Variants in OGA observed in about 807,000 individuals in gnomAD.
OGA encodes the protein protein O-GlcNAcase.
Under a neutral mutation model 102.0 loss-of-function variants are expected in OGA, and 21 were observed. The ratio of observed to expected loss-of-function variants is 0.21; its 90% confidence interval spans 0.15 to 0.30. The LOEUF is 0.30. Among genes scored for constraint, OGA ranks in the 10% least tolerant of loss-of-function variants. OGA has a pLI of 1.00. For missense variants in OGA, 765 were observed against 1,107.8 expected (o/e 0.69, Z 4.39); for synonymous variants, 408 against 378.2 (o/e 1.08, Z -0.91).
At chr10:101,789,584 A>G (rs2065232446) in intron 14 of OGA, among the ~76,000 whole-genome samples, 1 of 152,130 alleles carries the variant, frequency 6.6e-6, no homozygotes, top group African/African-American at 2.4e-5. Context: ...GAAAAGAGAA[A>G]CAACATAGAA....
chr10:101,813,732 G>T (rs2065586872), intron 1 of OGA, 126 bp from the exon 2 acceptor site: 1 of 481,682 alleles, frequency 2.1e-6, no homozygotes, highest in Non-Finnish European at 3.7e-6. Flanking sequence ...CACCAAATCG[G>T]AAGGATATTT....
At position 101,785,144 on chromosome 10, in the gene OGA, T is replaced by G. The variant is rs919308821; in HGVS notation, c.*1307A>C. ...GAAGCAAGATAACAAAATACTGTTA[T>G]CAATCTATGGAGAAATCAGCCAGCC... On this transcript the variant is annotated 3_prime_UTR_variant, in exon 16 of 16. Transcript: ENST00000361464. 6.6e-6 allele frequency: 1 copy of G among 152,166 alleles called. No individual in the cohort carries two copies. Among genetic ancestry groups the G allele is most frequent in the Non-Finnish European group, 1.5e-5 (1 of 68,012 alleles). The allele number at this position is 152,166 out of a possible 1,614,324, so 9.4% of individuals were successfully genotyped here.
chr10:101,805,954 CA>C (rs938614906), intron 6 of OGA, 90 bp downstream of exon 6: 5,691 of 757,496 alleles, frequency 7.5e-3, no homozygotes, highest in East Asian at 9.2e-3. Flanking sequence ...GACTCCGTCT[CA>C]AAAAAAAAAG....
chr10:101,798,846 TCAGAG>T lies in OGA; in HGVS notation c.1800_1804del (p.Asp600GlufsTer4), dbSNP rs1462772705. ...AGGTACATTAAACATACTCACTTTT[TCAGAG>T]TCTTTTCCTTTGCAATTGACACTGA... On this transcript the variant is annotated frameshift_variant, in exon 9 of 16. Transcript: ENST00000361464. LOFTEE classifies it high-confidence loss of function. The T allele has an allele frequency of 6.2e-7, 1 of 1,610,904 alleles. No homozygotes were observed. Among genetic ancestry groups the T allele is most frequent in the Admixed American group, 1.7e-5 (1 of 59,746 alleles).
At chr10:101,786,675 A>AC in intron 15 of OGA, 88 bp from the exon 16 acceptor site, 2 of 1,131,208 alleles carry the variant, frequency 1.8e-6, no homozygotes, top group Non-Finnish European at 2.4e-6. Context: ...GAGATGGTTA[A>AC]TATAAACAGG....
At position 101,784,757 on chromosome 10, in the gene OGA, T is replaced by C. The variant is rs2065175468; in HGVS notation, c.*1694A>G. 6.6e-6 allele frequency: 1 copy of C among 152,334 alleles called. No individual in the cohort carries two copies. Among genetic ancestry groups the C allele is most frequent in the East Asian group, 1.9e-4 (1 of 5,186 alleles). The allele number at this position is 152,334 out of a possible 1,614,324, so 9.4% of individuals were successfully genotyped here. On this transcript the variant is annotated 3_prime_UTR_variant, in exon 16 of 16. Transcript: ENST00000361464. ...AAATCCTCCAAACAAAATGCTAGAA[T>C]TGTCCACTAGTGTTAAGACGAGAAA...
intron 1 of OGA, among the ~76,000 whole-genome samples, chr10:101,815,272 A>G (rs1282989529): frequency 2.6e-5 from 4 of 151,830 alleles, no homozygotes; most frequent in African/African-American, 9.7e-5. Flanking sequence ...CACAAGTGAT[A>G]CAAAATATTC....
At chr10:101,810,567 C>T (rs1362441589) in intron 3 of OGA, among the ~76,000 whole-genome samples, 1 of 152,220 alleles carries the variant, frequency 6.6e-6, no homozygotes, top group Non-Finnish European at 1.5e-5. Context: ...AAATAAGAGG[C>T]CCTTCTTTTT....
chr10:101,793,818 TC>T, intron 11 of OGA, 94 bp downstream of exon 11: 1 of 919,990 alleles, frequency 1.1e-6, no homozygotes, highest in Non-Finnish European at 1.7e-6. Context: ...TAGAAAGCCT[TC>T]GGCAGACCAA....
Position 101,807,856 on chromosome 10 carries a change from T to G in OGA, c.526A>C (p.Ile176Leu). Residue 176 changes from isoleucine (I) to leucine (L), a missense_variant, in exon 5 of 16, where the codon ATA (isoleucine) becomes CTA (leucine). Around this residue, in one of 7 missense-constraint regions of OGA, gnomAD observed 165 missense variants for 249.7 expected, o/e 0.66. Coordinates refer to ENST00000361464, the MANE Select transcript of OGA (RefSeq NM_012215.5). ...TCTGCTGCACACATATTATGGTCTA[T>G]ATCATCAAAAAGCAAAGCAAATGAT... ...CRSFALLFDDIDHNMCAADKE... is the reference protein window; with the variant it reads ...CRSFALLFDDLDHNMCAADKE... 2 of 1,597,670 alleles carry G rather than the reference T, an allele frequency of 1.3e-6. No homozygotes were observed. The highest frequency in any genetic ancestry group is 1.7e-6 in the Non-Finnish European group (2 of 1,174,392).
chr10:101,797,918 G>A, intron 10 of OGA, 62 bp downstream of exon 10: 1 of 1,503,804 alleles, frequency 6.6e-7, no homozygotes, highest in Middle Eastern at 2.4e-4. Context: ...TCTCCCTGTG[G>A]GATAATTTTT....
In OGA at chr10:101,798,256, TTTATC is replaced by T. The variant is rs1421089489; in HGVS notation, c.1810-107_1810-103del. On this transcript the variant is annotated intron_variant, in intron 9 of 15. Transcript: ENST00000361464. ...TGCTTATGTTGTCAGGTACTGGCAA[TTTATC>T]TTAACCATTAAAGTATCATTTTGTG... 3.9e-6 allele frequency: 4 copies of T among 1,034,948 alleles called. No individual in the cohort carries two copies. In the Admixed American group the frequency reaches 1.0e-4, roughly 26 times the overall value. 64.1% of individuals were successfully genotyped at this position (1,034,948 alleles called of 1,614,324 possible). A position where few individuals can be genotyped will look rare whatever the true frequency, so the allele number is the denominator to read the frequency against.
In OGA at chr10:101,790,907, A is replaced by G; in HGVS notation, c.2443T>C (p.Ser815Pro). 1 of 1,606,012 alleles carries G rather than the reference A, an allele frequency of 6.2e-7. No individual in the cohort carries two copies. The highest frequency in any genetic ancestry group is 8.5e-7 in the Non-Finnish European group (1 of 1,173,554). Residue 815 changes from serine to proline, a missense_variant, in exon 14 of 16, where the codon TCT becomes CCT. Ser to Pro is a moderately conservative substitution (Grantham distance 74, BLOSUM62 -1). Coordinates refer to ENST00000361464, the MANE Select transcript of OGA (RefSeq NM_012215.5). ...YTKPNGDKEL[S>P]EAEKIMLSFH... ...AACCTTTGTATTACCTCAGCCTCAG[A>G]GAGTTCCTTGTCACCATTTGGCTTG...
chr10:101,817,850 C>T lies in OGA; in HGVS notation c.173G>A (p.Arg58Gln). 1 of 1,541,366 alleles carries T rather than the reference C, an allele frequency of 6.5e-7. No individual in the cohort carries two copies. ...TTCCACCACACCGCAGAGGAACCGC[C>T]GAGCCCCTCCTGCAGCCCCGGCCAC... Reference protein sequence around the residue: ...AAVAGAAGGARRFLCGVVEGF... With the variant: ...AAVAGAAGGAQRFLCGVVEGF... The change falls in exon 1 of 16, where the codon CGG (arginine) becomes CAG (glutamine). Residue 58 changes from arginine to glutamine, a missense_variant. Transcript: ENST00000361464.
intron 8 of OGA, among the ~76,000 whole-genome samples, chr10:101,799,857 A>G (rs2065365961): frequency 6.6e-6 from 1 of 152,196 alleles, no homozygotes; most frequent in African/African-American, 2.4e-5. Context: ...CTTAGTGGGC[A>G]TAAGGTAAGG....
At chr10:101,815,567 A>T (rs1389475584) in intron 1 of OGA, among the ~76,000 whole-genome samples, 1 of 151,998 alleles carries the variant, frequency 6.6e-6, no homozygotes, top group Non-Finnish European at 1.5e-5. Context: ...TACAGGCGTG[A>T]GCCACCGCGC....
intron 7 of OGA, among the ~76,000 whole-genome samples, 188 bp from the exon 8 acceptor site, chr10:101,800,588 T>C (rs893646507): frequency 6.6e-6 from 1 of 152,076 alleles, no homozygotes; most frequent in Admixed American, 6.6e-5. Context: ...TCATATAGGA[T>C]AGTAACCTAA....
intron 14 of OGA, 44 bp from the exon 15 acceptor site, chr10:101,787,567 T>C: frequency 6.5e-7 from 1 of 1,531,728 alleles, no homozygotes; most frequent in Non-Finnish European, 9.0e-7. Flanking sequence ...AGTTACGCAT[T>C]AGATATCTAA....
Position 101,787,495 on chromosome 10 carries a change from T to C in OGA, c.2483A>G (p.Gln828Arg). 6.2e-7 allele frequency: 1 copy of C among 1,612,408 alleles called. No homozygotes were observed. The highest frequency in any genetic ancestry group is 8.5e-7 in the Non-Finnish European group (1 of 1,178,698). Residue 828 changes from glutamine to arginine, a missense_variant, in exon 15 of 16, where the codon CAG becomes CGG. Gln to Arg is a conservative substitution (Grantham distance 43, BLOSUM62 1). Transcript: ENST00000361464. ...EKIMLSFHEE[Q>R]EVLPETFLAN... ...AAGGAAAGTTTCTGGCAGTACTTCC[T>C]GTTCTTCATGGAAACTCAACATTAT...
Sources: gnomAD v4.1 joint callset for allele counts (sites outside exome capture counted in the v4.1 genomes callset) on GRCh38, gnomAD v4.1.1 for gene constraint, gnomAD v4.1.1 regional missense constraint, MANE v1.5 for transcripts, NCBI Gene and HGNC (gene_info 2026-07-23, HGNC 2026-07-21) for gene names.